Variants in USP6NL observed in about 807,000 individuals in gnomAD.
USP6NL encodes the protein USP6 N-terminal-like protein.
A neutral mutation model predicts 61.9 loss-of-function variants in USP6NL; 26 were observed. The observed-to-expected ratio is 0.42, with a 90% CI of 0.31 to 0.58. The LOEUF is 0.58. Ranked by LOEUF, USP6NL falls within the 20% of genes least tolerant of loss-of-function variation. The pLI, the probability that USP6NL is intolerant of heterozygous loss-of-function variation, is 0.16. For synonymous variants in USP6NL, 432 were observed against 390.1 expected (o/e 1.11, Z -1.27); for missense variants, 1,114 against 1,034.3 (o/e 1.08, Z -1.06).
chr10:11,527,480 T>C lies in USP6NL; in HGVS notation c.72+20A>G. The C allele has an allele frequency of 6.3e-7, 1 of 1,584,996 alleles. No individual in the cohort carries two copies. Among genetic ancestry groups the C allele is most frequent in the Non-Finnish European group, 8.6e-7 (1 of 1,164,070 alleles). Reference sequence around the variant, plus strand: ...TTTTTCTAATAAAACTCACCCAAAGTGTTAAATATGGATACTTACTCTGTC... The same window carrying C: ...TTTTTCTAATAAAACTCACCCAAAGCGTTAAATATGGATACTTACTCTGTC... On this transcript the variant is annotated intron_variant, in intron 3 of 14. Transcript: ENST00000609104.
At chr10:11,580,867 T>TGACG (rs1555173785) in intron 2 of USP6NL, among the ~76,000 whole-genome samples, 5 of 149,744 alleles carry the variant, frequency 3.3e-5, no homozygotes, top group Non-Finnish European at 7.4e-5. Context: ...AACGGATAGA[T>TGACG]GATGGATGGA....
rs1377689710 is a variant in USP6NL, at chr10:11,553,663, G to A, written c.5-26096C>T. ...TAATCCCGGTACGTTGGAAGGCTGAGGTGGGTGGATTATCTGAGGTCAGGA... is the reference window on the plus strand; with the variant it reads ...TAATCCCGGTACGTTGGAAGGCTGAAGTGGGTGGATTATCTGAGGTCAGGA... On this transcript the variant is annotated intron_variant, in intron 2 of 14. Transcript: ENST00000609104. The surrounding 1 kb of genome is among the most constrained non-coding windows in gnomAD (Gnocchi z 4.8). 6.6e-6 allele frequency among the ~76,000 whole-genome samples: 1 copy of A among 152,124 alleles called. No homozygotes were observed. The highest frequency in any genetic ancestry group is 1.5e-5 in the Non-Finnish European group (1 of 68,020).
chr10:11,552,156 G>A (rs558772961), intron 2 of USP6NL, among the ~76,000 whole-genome samples: 8 of 152,228 alleles, frequency 5.3e-5, no homozygotes, highest in South Asian at 4.1e-4. Flanking sequence ...GCTTAGAGGC[G>A]TGGCATACAC....
rs1261787069 is a variant in USP6NL, at chr10:11,474,798, T to G, written c.1078+6972A>C. ...AATTCAAAGCATTTAGCAAAAAATC[T>G]ATCATAGAAGACTCAGTTTGCTGTT... is the stretch of plus-strand genomic sequence containing the variant. On this transcript the variant is annotated intron_variant, in intron 14 of 14. Transcript: ENST00000609104. The surrounding 1 kb of genome is among the most constrained non-coding windows in gnomAD (Gnocchi z 4.9). Among the ~76,000 whole-genome samples the G allele has an allele frequency of 6.6e-6, 1 of 152,186 alleles. No individual in the cohort carries two copies. The highest frequency in any genetic ancestry group is 1.5e-5 in the Non-Finnish European group (1 of 68,040).
rs1269966031 is a variant in USP6NL at position 11,560,561 on chromosome 10, A to G, written c.5-32994T>C. ...CCTTAGTACCGTAATAACTTTCTCT[A>G]AAAGAGGAAGCAACACTTTTGGGTT... On this transcript the variant is annotated intron_variant, in intron 2 of 14. Transcript: ENST00000609104. 2.6e-5 allele frequency among the ~76,000 whole-genome samples: 4 copies of G among 151,766 alleles called. 1 individual carries two copies. The highest frequency in any genetic ancestry group is 3.2e-3 in the Middle Eastern group (1 of 316).
At chr10:11,514,223 C>T (rs983892164) in intron 5 of USP6NL, among the ~76,000 whole-genome samples, 18 of 150,452 alleles carry the variant, frequency 1.2e-4, no homozygotes, top group African/African-American at 4.1e-4. Flanking sequence ...GTTGATGATT[C>T]CTACCTGAAT....
chr10:11,526,747 T>A (rs1024770225), intron 3 of USP6NL, among the ~76,000 whole-genome samples: 2 of 152,180 alleles, frequency 1.3e-5, no homozygotes, highest in African/African-American at 4.8e-5. Flanking sequence ...ACATGACATT[T>A]ATAAATCACT....
chr10:11,518,596 A>C lies in USP6NL; in HGVS notation c.156-22T>G. ...CTCACTGCAGAGGAAAAACAGTATTATATGAAATTGTTGAAATCAAAACAA... is the reference window on the plus strand; with the variant it reads ...CTCACTGCAGAGGAAAAACAGTATTCTATGAAATTGTTGAAATCAAAACAA... On this transcript the variant is annotated intron_variant, in intron 4 of 14. Transcript: ENST00000609104. The surrounding 1 kb of genome is among the most constrained non-coding windows in gnomAD (Gnocchi z 5.3). 1.3e-6 allele frequency: 2 copies of C among 1,599,786 alleles called. No individual in the cohort carries two copies. Among genetic ancestry groups the C allele is most frequent in the Non-Finnish European group, 1.7e-6 (2 of 1,173,908 alleles).
At chr10:11,503,214 G>A (rs751108225) in intron 6 of USP6NL, among the ~76,000 whole-genome samples, 5 of 152,148 alleles carry the variant, frequency 3.3e-5, no homozygotes, top group African/African-American at 9.7e-5. Flanking sequence ...TAATAGGAAC[G>A]TGTAATATGA....
rs1270854684 is a variant in USP6NL, at chr10:11,513,807, T to C, written c.196-4132A>G. 6.6e-6 allele frequency among the ~76,000 whole-genome samples: 1 copy of C among 152,128 alleles called. No individual in the cohort carries two copies. Among genetic ancestry groups the C allele is most frequent in the Admixed American group, 6.5e-5 (1 of 15,276 alleles). Reference sequence around the variant, plus strand: ...CCCAAGACTGTTCTTTATAGCTGGTTTTTTCTGTGGTGTGGGCAACTCGGA... The same window carrying C: ...CCCAAGACTGTTCTTTATAGCTGGTCTTTTCTGTGGTGTGGGCAACTCGGA... On this transcript the variant is annotated intron_variant, in intron 5 of 14. Transcript: ENST00000609104. The surrounding 1 kb of genome is among the most constrained non-coding windows in gnomAD (Gnocchi z 4.7).
Position 11,562,001 on chromosome 10 carries a change from A to G in USP6NL, c.5-34434T>C, listed in dbSNP as rs1428724208. 6.6e-6 allele frequency among the ~76,000 whole-genome samples: 1 copy of G among 152,200 alleles called. No individual in the cohort carries two copies. The highest frequency in any genetic ancestry group is 6.5e-5 in the Admixed American group (1 of 15,278). ...TTTAAGCAAGGATGTTCTGAGTAAA[A>G]AAAAGAAATTTGCTCATGCCTGTAA... is the stretch of plus-strand genomic sequence containing the variant. On this transcript the variant is annotated intron_variant, in intron 2 of 14. Transcript: ENST00000609104. The surrounding 1 kb of genome is among the most constrained non-coding windows in gnomAD (Gnocchi z 4.8).
At chr10:11,530,303 C>T (rs11257156) in intron 2 of USP6NL, among the ~76,000 whole-genome samples, 35,629 of 151,940 alleles carry the variant, frequency 0.23, 4,714 homozygotes, top group East Asian at 0.58. Flanking sequence ...CACAAGTATA[C>T]TTCCAACATA....
At chr10:11,502,169 G>C (rs919285866) in intron 6 of USP6NL, among the ~76,000 whole-genome samples, 8 of 151,306 alleles carry the variant, frequency 5.3e-5, no homozygotes, top group African/African-American at 1.9e-4. Context: ...TGAGGCAGGA[G>C]AATGGCGTGA....
intron 2 of USP6NL, among the ~76,000 whole-genome samples, chr10:11,566,354 A>G (rs1245182860): frequency 6.6e-6 from 1 of 152,242 alleles, no homozygotes; most frequent in Non-Finnish European, 1.5e-5. Context: ...AAAGCATAAT[A>G]AATCTGAACA....
chr10:11,527,560 G>A lies in USP6NL; in HGVS notation c.12C>T (p.Asp4=). The A allele has an allele frequency of 3.7e-6, 6 of 1,608,344 alleles. No individual in the cohort carries two copies. Among genetic ancestry groups the A allele is most frequent in the Non-Finnish European group, 4.2e-6 (5 of 1,177,124 alleles). Reference sequence around the variant, plus strand: ...GGGCAAGTTTGAGTGCTACATCCTGGTCTGAATCTGTGGAGAAGACATCAA... The same window carrying A: ...GGGCAAGTTTGAGTGCTACATCCTGATCTGAATCTGTGGAGAAGACATCAA... The part of the protein sequence containing the change: MNS[D]QDVALKLAQE... The change falls in exon 3 of 15, where the codon GAC becomes GAT. Residue 4 remains aspartate (D), a synonymous_variant. Coordinates refer to ENST00000609104, the MANE Select transcript of USP6NL (RefSeq NM_014688.5).
rs577446137 is a variant in USP6NL at position 11,609,146 on chromosome 10, C to T, written c.-84+2297G>A. On this transcript the variant is annotated intron_variant, in intron 1 of 14. Transcript: ENST00000609104. ...GTGGAGCGATCTCCGCTCACTGCAA[C>T]CTCTACCTCCCAGACTCAAAGGATT... 9.1e-4 allele frequency among the ~76,000 whole-genome samples: 138 copies of T among 152,212 alleles called. 2 individuals are homozygous for T. The highest frequency in any genetic ancestry group is 3.2e-3 in the African/African-American group (133 of 41,518).
Position 11,598,813 on chromosome 10 carries a change from G to A in USP6NL, c.-83-1096C>T, listed in dbSNP as rs933105926. Among the ~76,000 whole-genome samples, 1 of 152,252 alleles carries A rather than the reference G, an allele frequency of 6.6e-6. No individual in the cohort carries two copies. The highest frequency in any genetic ancestry group is 2.4e-5 in the African/African-American group (1 of 41,464). ...CATCTATATACTGTACTTGCGTCATGTAATATACATGAGAAGTATTTCATT... is the reference window on the plus strand; with the variant it reads ...CATCTATATACTGTACTTGCGTCATATAATATACATGAGAAGTATTTCATT... On this transcript the variant is annotated intron_variant, in intron 1 of 14. Coordinates refer to ENST00000609104, the MANE Select transcript of USP6NL (RefSeq NM_014688.5). This position sits in a 1 kb window ranked among gnomAD's most constrained non-coding sequence, Gnocchi z 4.7.
Position 11,574,937 on chromosome 10 carries a change from T to G in USP6NL, c.4+22694A>C, listed in dbSNP as rs1837487016. Among the ~76,000 whole-genome samples, 1 of 152,122 alleles carries G rather than the reference T, an allele frequency of 6.6e-6. No individual in the cohort carries two copies. The highest frequency in any genetic ancestry group is 1.5e-5 in the Non-Finnish European group (1 of 68,030). ...TCTAGTTTTAAAATTCAAGGTGAAG[T>G]TTTCAGCTCTTCAGACACGACGTGC... On this transcript the variant is annotated intron_variant, in intron 2 of 14. Coordinates refer to ENST00000609104, the MANE Select transcript of USP6NL (RefSeq NM_014688.5). This position sits in a 1 kb window ranked among gnomAD's most constrained non-coding sequence, Gnocchi z 4.3.
Position 11,520,402 on chromosome 10 carries a change from C to T in USP6NL, c.156-1828G>A, listed in dbSNP as rs2133381350. Among the ~76,000 whole-genome samples the T allele has an allele frequency of 6.6e-6, 1 of 152,292 alleles. No individual in the cohort carries two copies. Among genetic ancestry groups the T allele is most frequent in the Non-Finnish European group, 1.5e-5 (1 of 68,018 alleles). On this transcript the variant is annotated intron_variant, in intron 4 of 14. Coordinates refer to ENST00000609104, the MANE Select transcript of USP6NL (RefSeq NM_014688.5). This position sits in a 1 kb window ranked among gnomAD's most constrained non-coding sequence, Gnocchi z 5.2. ...CAATCTCCACAGAGCTTTTCCCCCTCAAGTCTCTGTGCCGGCATATGCTTA... is the reference window on the plus strand; with the variant it reads ...CAATCTCCACAGAGCTTTTCCCCCTTAAGTCTCTGTGCCGGCATATGCTTA...
Sources: gnomAD v4.1 joint callset for allele counts (sites outside exome capture counted in the v4.1 genomes callset) on GRCh38, gnomAD v4.1.1 for gene constraint, Gnocchi (gnomAD v3.1) non-coding constraint, MANE v1.5 for transcripts, NCBI Gene and HGNC (gene_info 2026-07-23, HGNC 2026-07-21) for gene names.